The following GNAO1 variants were observed in gnomAD, a reference collection of about 807,000 sequenced individuals.
The protein encoded by GNAO1 is guanine nucleotide-binding protein G(o) subunit alpha.
For synonymous variants in GNAO1, 164 were observed against 180.7 expected (o/e 0.91, Z 0.74); for missense variants, 166 against 478.7 (o/e 0.35, Z 6.10).
In GNAO1 at chr16:56,276,016, G is replaced by C; in HGVS notation, c.247G>C (p.Ala83Pro). ...CAGCAACACTATCCAGTCCCTGGCA[G>C]CCATCGTCCGGGCCATGGACACTTT... ...VYSNTIQSLA[A>P]IVRAMDTLGI... Residue 83 changes from alanine (A) to proline (P), a missense_variant, in exon 3 of 9, where the codon GCC (alanine) becomes CCC (proline). Transcript: ENST00000262493. 6.2e-7 allele frequency: 1 copy of C among 1,613,950 alleles called. No homozygotes were observed. The highest frequency in any genetic ancestry group is 8.5e-7 in the Non-Finnish European group (1 of 1,179,816).
At chr16:56,331,597 C>T (rs2037689122) in intron 4 of GNAO1, among the ~76,000 whole-genome samples, 1 of 152,144 alleles carries the variant, frequency 6.6e-6, no homozygotes, top group South Asian at 2.1e-4. Context: ...CTCGGGCCGC[C>T]CTTTCCAGAC....
At chr16:56,201,783 C>A (rs961333666) in intron 2 of GNAO1, among the ~76,000 whole-genome samples, 1 of 152,116 alleles carries the variant, frequency 6.6e-6, no homozygotes, top group East Asian at 1.9e-4. Context: ...CTGGTTTGGG[C>A]TACTGGTGGA....
intron 3 of GNAO1, among the ~76,000 whole-genome samples, chr16:56,291,312 C>T (rs1344312269): frequency 6.6e-6 from 1 of 152,150 alleles, no homozygotes; most frequent in African/African-American, 2.4e-5. Context: ...TAGCCATCCT[C>T]GTGGCTATAA....
chr16:56,348,939 C>T (rs2037897774), intron 6 of GNAO1, among the ~76,000 whole-genome samples: 1 of 152,232 alleles, frequency 6.6e-6, no homozygotes, highest in Non-Finnish European at 1.5e-5. Flanking sequence ...AGACTGTGAT[C>T]ATCTTTCTCC....
chr16:56,203,241 C>G (rs146758317), intron 2 of GNAO1, among the ~76,000 whole-genome samples: 2 of 151,992 alleles, frequency 1.3e-5, no homozygotes, highest in Admixed American at 1.3e-4. Flanking sequence ...GTCACTGCCC[C>G]CTGCTGCTTG....
intron 6 of GNAO1, chr16:56,344,682 G>A (rs760454722): frequency 1.1e-5 from 11 of 985,476 alleles, no homozygotes; most frequent in African/African-American, 1.7e-5. Flanking sequence ...GGGAAGGGAG[G>A]TGGAAGCTCC....
chr16:56,216,030 C>A (rs2036433909), intron 2 of GNAO1, among the ~76,000 whole-genome samples: 1 of 152,158 alleles, frequency 6.6e-6, no homozygotes, highest in Non-Finnish European at 1.5e-5. Context: ...AGCTCTCCAG[C>A]AGGTGCTAGG....
intron 2 of GNAO1, among the ~76,000 whole-genome samples, chr16:56,236,071 T>G (rs2036634734): frequency 6.6e-6 from 1 of 152,190 alleles, no homozygotes; most frequent in Non-Finnish European, 1.5e-5. Flanking sequence ...AGGCAGTCAT[T>G]CTTGGTTTCA....
At chr16:56,271,761 T>C (rs1337038647) in intron 2 of GNAO1, among the ~76,000 whole-genome samples, 1 of 152,204 alleles carries the variant, frequency 6.6e-6, no homozygotes, top group Non-Finnish European at 1.5e-5. Context: ...TGGAAAATAT[T>C]AATAGCTACC....
At chr16:56,275,159 A>G (rs575148746) in intron 2 of GNAO1, among the ~76,000 whole-genome samples, 61 of 152,310 alleles carry the variant, frequency 4.0e-4, no homozygotes, top group African/African-American at 1.4e-3. Flanking sequence ...CTTAAAATTC[A>G]TTTGCTCTTT....
chr16:56,269,932 T>C (rs1405303020), intron 2 of GNAO1, among the ~76,000 whole-genome samples: 3 of 152,214 alleles, frequency 2.0e-5, no homozygotes, highest in African/African-American at 7.2e-5. Flanking sequence ...TCTGTGACCA[T>C]ATAAGGCCAG....
chr16:56,195,350 C>T (rs778635977), intron 2 of GNAO1, among the ~76,000 whole-genome samples: 8 of 152,140 alleles, frequency 5.3e-5, no homozygotes, highest in Non-Finnish European at 1.2e-4. Flanking sequence ...CAGATCAGGG[C>T]CTTGTGCCAA....
chr16:56,272,341 T>C (rs2037026376), intron 2 of GNAO1, among the ~76,000 whole-genome samples: 1 of 152,228 alleles, frequency 6.6e-6, no homozygotes, highest in South Asian at 2.1e-4. Context: ...CTTGTTGTTC[T>C]GTATGGACCA....
At chr16:56,213,181 C>T (rs2036406588) in intron 2 of GNAO1, 1 of 397,078 alleles carries the variant, frequency 2.5e-6, no homozygotes, top group Non-Finnish European at 4.4e-6. Flanking sequence ...ATATGTGTAG[C>T]CTTTACACAA....
At chr16:56,331,375 C>G (rs1179557648) in intron 4 of GNAO1, among the ~76,000 whole-genome samples, 4 of 152,170 alleles carry the variant, frequency 2.6e-5, no homozygotes, top group African/African-American at 7.2e-5. Context: ...ATCCAGTTCC[C>G]CACTGAGTTG....
At chr16:56,276,178 C>G in intron 3 of GNAO1, 106 bp downstream of exon 3, 4 of 953,590 alleles carry the variant, frequency 4.2e-6, no homozygotes, top group Non-Finnish European at 4.6e-6. Context: ...AGAAGAGACT[C>G]CGCTATGTTT....
At chr16:56,333,008 T>C (rs1373350789) in intron 4 of GNAO1, among the ~76,000 whole-genome samples, 1 of 152,128 alleles carries the variant, frequency 6.6e-6, no homozygotes, top group East Asian at 1.9e-4. Flanking sequence ...ACAGGTCTGC[T>C]CTGCAGCCTC....
At chr16:56,345,234 A>G (rs572462659) in intron 6 of GNAO1, 1 of 985,520 alleles carries the variant, frequency 1.0e-6, no homozygotes, top group South Asian at 4.7e-5. Context: ...GGCTGAGGCC[A>G]ACGCCCACAC....
At chr16:56,305,341 T>G (rs919681122) in intron 3 of GNAO1, among the ~76,000 whole-genome samples, 12 of 152,164 alleles carry the variant, frequency 7.9e-5, no homozygotes, top group Non-Finnish European at 1.6e-4. Context: ...AATTACACCT[T>G]GCAATAAGTG....
Sources: gnomAD v4.1 joint callset for allele counts (sites outside exome capture counted in the v4.1 genomes callset) on GRCh38, gnomAD v4.1.1 for gene constraint, MANE v1.5 for transcripts, NCBI Gene and HGNC (gene_info 2026-07-23, HGNC 2026-07-21) for gene names.